PLBD2: variants seen among roughly 807,000 people sequenced by gnomAD.
PLBD2 encodes the protein phospholipase B domain containing 2, also known as putative aminopeptidase PLBD2.
A neutral mutation model predicts 68.3 loss-of-function variants in PLBD2; 51 were observed. The observed-to-expected ratio is 0.75, with a 90% confidence interval of 0.60 to 0.94. PLBD2 has a LOEUF of 0.94. Ranked by LOEUF, PLBD2 falls within the 40% of genes least tolerant of loss-of-function variation. The pLI, the probability that PLBD2 is intolerant of heterozygous loss-of-function variation, is 0.00. For missense variants in PLBD2, 729 were observed against 792.2 expected (o/e 0.92, Z 0.96); for synonymous variants, 314 against 339.3 (o/e 0.93, Z 0.82).
At chr12:113,383,137 G>A (rs534063010) in intron 6 of PLBD2, among the ~76,000 whole-genome samples, 1 of 152,282 alleles carries the variant, frequency 6.6e-6, no homozygotes, top group South Asian at 2.1e-4. Flanking sequence ...AGGCAGCGGT[G>A]GGCATCCTGC....
At chr12:113,380,911 A>G in intron 6 of PLBD2, 69 bp downstream of exon 6, 2 of 1,431,596 alleles carry the variant, frequency 1.4e-6, no homozygotes, top group Non-Finnish European at 1.9e-6. Context: ...AGCTGGCAGG[A>G]TTGATTCCTG....
intron 10 of PLBD2, 105 bp from the exon 11 acceptor site, chr12:113,387,639 G>A: frequency 7.7e-7 from 1 of 1,306,286 alleles, no homozygotes; most frequent in Non-Finnish European, 1.1e-6. Context: ...GGCTCATCAA[G>A]TTGAAGGCTG....
chr12:113,372,833 G>T lies in PLBD2; in HGVS notation c.543+26G>T. 1 of 1,603,844 alleles carries T rather than the reference G, an allele frequency of 6.2e-7. No homozygotes were observed. On this transcript the variant is annotated intron_variant, in intron 3 of 11. Coordinates refer to ENST00000280800, the MANE Select transcript of PLBD2 (RefSeq NM_173542.4). This position sits in a 1 kb window ranked among gnomAD's most constrained non-coding sequence, Gnocchi z 4.2. The stretch of plus-strand genomic sequence containing the variant: ...GTGAGTCCTGCTGCCACGCTTGGTG[G>T]GAGGGGGCTTCCAGCTGGCCAGCCA...
chr12:113,384,094 C>T lies in PLBD2; in HGVS notation c.958-11C>T, dbSNP rs759531187. ...CTAGGCTGTGCAGCAGCCCCCTTGA[C>T]CTTCCCACAGGTGACACTGGAGACC... On this transcript the variant is annotated splice_polypyrimidine_tract_variant and intron_variant, in intron 6 of 11. Transcript: ENST00000280800. The surrounding 1 kb of genome is among the most constrained non-coding windows in gnomAD (Gnocchi z 4.2). 4.4e-6 allele frequency: 7 copies of T among 1,597,024 alleles called. No homozygotes were observed. Among genetic ancestry groups the T allele is most frequent in the Admixed American group, 1.7e-5 (1 of 58,736 alleles).
At chr12:113,370,480 T>C (rs1258141671) in intron 2 of PLBD2, among the ~76,000 whole-genome samples, 20 of 140,426 alleles carry the variant, frequency 1.4e-4, no homozygotes, top group African/African-American at 5.0e-4. Context: ...TTCTTTTTTT[T>C]TTTTTTTTTT....
In PLBD2 at chr12:113,358,855, C is replaced by G. The variant is rs746636848; in HGVS notation, c.255C>G (p.Ala85=). Residue 85 remains alanine, a synonymous_variant, in exon 1 of 12, where the codon GCC becomes GCG. Coordinates refer to ENST00000280800, the MANE Select transcript of PLBD2 (RefSeq NM_173542.4). ...MVDGRHPDAV[A]WANLTNAIRE... ...ACGGACGCCACCCTGACGCCGTGGC[C>G]TGGGCCAACCTCACCAACGCCATCC... 1.3e-6 allele frequency: 2 copies of G among 1,523,436 alleles called. No homozygotes were observed. Among genetic ancestry groups the G allele is most frequent in the Non-Finnish European group, 1.8e-6 (2 of 1,137,880 alleles). 94.4% of individuals were successfully genotyped at this position (1,523,436 alleles called of 1,614,324 possible). A position where few individuals can be genotyped will look rare whatever the true frequency, so the allele number is the denominator to read the frequency against.
At position 113,384,846 on chromosome 12, in the gene PLBD2, G is replaced by T. The variant is rs781597715; in HGVS notation, c.1119-5G>T. 4 of 1,613,528 alleles carry T rather than the reference G, an allele frequency of 2.5e-6. No homozygotes were observed. In the African/African-American group the frequency reaches 4.0e-5, roughly 16 times the overall value. ...TGTTCAGTCCTCCCTTCCCCTGCCCGGCAGGTATAACAACCAGTGGATGAT... is the reference window on the plus strand; with the variant it reads ...TGTTCAGTCCTCCCTTCCCCTGCCCTGCAGGTATAACAACCAGTGGATGAT... On this transcript the variant is annotated splice_region_variant and splice_polypyrimidine_tract_variant and intron_variant, in intron 7 of 11. Transcript: ENST00000280800. This position sits in a 1 kb window ranked among gnomAD's most constrained non-coding sequence, Gnocchi z 4.2.
intron 3 of PLBD2, among the ~76,000 whole-genome samples, chr12:113,373,908 C>T (rs938573087): frequency 7.0e-6 from 1 of 143,830 alleles, no homozygotes; most frequent in African/African-American, 2.6e-5. Context: ...TCACCTCCCA[C>T]CTGTCAACCC....
intron 5 of PLBD2, chr12:113,376,914 G>C (rs567440940): frequency 4.9e-4 from 74 of 152,476 alleles, no homozygotes; most frequent in African/African-American, 1.8e-3. Context: ...GGATACCACT[G>C]CCAAATGTTT....
intron 9 of PLBD2, among the ~76,000 whole-genome samples, 182 bp downstream of exon 9, chr12:113,385,465 A>G (rs1489545007): frequency 6.6e-6 from 1 of 152,152 alleles, no homozygotes; most frequent in Non-Finnish European, 1.5e-5. Context: ...GTCAGCATCC[A>G]TGTGACCTCT....
rs758887047 is a variant in PLBD2 at position 113,384,814 on chromosome 12, C to T, written c.1119-37C>T. ...GTGGGGAAAGCTGGGGAGGTGGCTC[C>T]AGGCTCTGTTCAGTCCTCCCTTCCC... On this transcript the variant is annotated intron_variant, in intron 7 of 11. Transcript: ENST00000280800. This position sits in a 1 kb window ranked among gnomAD's most constrained non-coding sequence, Gnocchi z 4.2. The T allele has an allele frequency of 1.1e-5, 17 of 1,579,178 alleles. No individual in the cohort carries two copies. Among genetic ancestry groups the T allele is most frequent in the South Asian group, 1.0e-4 (9 of 89,894 alleles).
At chr12:113,363,698 C>T (rs183644516) in intron 1 of PLBD2, among the ~76,000 whole-genome samples, 14 of 151,992 alleles carry the variant, frequency 9.2e-5, no homozygotes, top group Middle Eastern at 3.4e-3. Flanking sequence ...CCCCCACGCC[C>T]GGCTAATTTT....
chr12:113,369,149 A>G lies in PLBD2; in HGVS notation c.324A>G (p.Gln108=). 8.7e-6 allele frequency: 14 copies of G among 1,606,412 alleles called. No homozygotes were observed. The highest frequency in any genetic ancestry group is 1.2e-5 in the Non-Finnish European group (14 of 1,176,664). The change falls in exon 2 of 12, where the codon CAA becomes CAG. Residue 108 remains glutamine, a synonymous_variant. Coordinates refer to ENST00000280800, the MANE Select transcript of PLBD2 (RefSeq NM_173542.4). ...TCCTGGAGCTGGGCACAAGTGGCCA[A>G]TACAATGACAGCTTGCAGGCCTATG... The part of the protein sequence containing the change: ...WAFLELGTSG[Q]YNDSLQAYAA...
chr12:113,387,786 C>T lies in PLBD2; in HGVS notation c.1482C>T (p.Ala494=). Residue 494 remains alanine (A), a synonymous_variant, in exon 11 of 12, where the codon GCC becomes GCT. Coordinates refer to ENST00000280800, the MANE Select transcript of PLBD2 (RefSeq NM_173542.4). ...ATGACCCTCTGTCACTGTGCAAAGC[C>T]TGCAACCCCCAGCCCAATGGGGAGA... ...FLHDPLSLCK[A]CNPQPNGENA... is the part of the protein sequence containing the mutation. 2.5e-6 allele frequency: 4 copies of T among 1,614,202 alleles called. No homozygotes were observed. Among genetic ancestry groups the T allele is most frequent in the Non-Finnish European group, 3.4e-6 (4 of 1,180,028 alleles).
chr12:113,365,643 AAT>A (rs1203396270), intron 1 of PLBD2, among the ~76,000 whole-genome samples: 4 of 152,052 alleles, frequency 2.6e-5, no homozygotes, highest in African/African-American at 9.7e-5. Context: ...GTTACATAAA[AAT>A]GTAAGTACTT....
At chr12:113,374,400 C>G in intron 3 of PLBD2, 74 bp from the exon 4 acceptor site, 1 of 1,031,854 alleles carries the variant, frequency 9.7e-7, no homozygotes, top group Admixed American at 2.0e-5. Context: ...GGCCAGAGCC[C>G]GTCCCGTTGA....
chr12:113,371,835 C>CT (rs922501488), intron 2 of PLBD2, among the ~76,000 whole-genome samples: 3 of 152,256 alleles, frequency 2.0e-5, no homozygotes, highest in African/African-American at 7.2e-5. Context: ...TCAGCTCTGT[C>CT]TAACCCACGT....
At position 113,389,346 on chromosome 12, in the gene PLBD2, A is replaced by G. The variant is rs1957586793; in HGVS notation, c.*720A>G. 6.7e-6 allele frequency: 1 copy of G among 148,204 alleles called. No individual in the cohort carries two copies. Among genetic ancestry groups the G allele is most frequent in the African/African-American group, 2.5e-5 (1 of 40,652 alleles). 9.2% of individuals were successfully genotyped at this position (148,204 alleles called of 1,614,324 possible). On this transcript the variant is annotated 3_prime_UTR_variant, in exon 12 of 12. Transcript: ENST00000280800. ...TCAGGGCCATACCCACAGCGCCCTG[A>G]TGGAGGAACCAGACCGCAGGCTGTG... is the stretch of plus-strand genomic sequence containing the variant.
intron 6 of PLBD2, among the ~76,000 whole-genome samples, chr12:113,382,847 G>T (rs1957506426): frequency 8.0e-6 from 1 of 125,524 alleles, no homozygotes; most frequent in African/African-American, 3.1e-5. Flanking sequence ...GTGTGTGTGT[G>T]TGTGTGTGTG....
Sources: allele counts gnomAD v4.1 joint callset (sites outside exome capture counted in the v4.1 genomes callset), GRCh38; gene constraint gnomAD v4.1.1; non-coding constraint Gnocchi (gnomAD v3.1); transcripts MANE v1.5; gene names NCBI Gene and HGNC (gene_info 2026-07-23, HGNC 2026-07-21).